SLC8A1: variants seen among roughly 807,000 people sequenced by gnomAD.
SLC8A1 encodes sodium/calcium exchanger 1.
A neutral mutation model predicts 68.3 loss-of-function variants in SLC8A1; 18 were observed. The observed-to-expected ratio is 0.26, with a 90% CI of 0.18 to 0.39. SLC8A1 has a LOEUF of 0.39. Ranked by LOEUF, SLC8A1 falls within the 10% of genes least tolerant of loss-of-function variation. The pLI, the probability that SLC8A1 is intolerant of heterozygous loss-of-function variation, is 1.00. For synonymous variants in SLC8A1, 475 were observed against 415.5 expected, an observed-to-expected ratio of 1.14 and a Z score of -1.74; for missense variants, 985 against 1,156.7, an observed-to-expected ratio of 0.85 and a Z score of 2.15.
intron 1 of SLC8A1, among the ~76,000 whole-genome samples, chr2:40,435,021 AC>A (rs1405825973): frequency 6.6e-6 from 1 of 152,246 alleles, no homozygotes; most frequent in African/African-American, 2.4e-5. Flanking sequence ...GCCAGTTTTG[AC>A]TACCAAGGAG....
chr2:40,281,991 A>G (rs565298765), intron 2 of SLC8A1, among the ~76,000 whole-genome samples: 57 of 152,256 alleles, frequency 3.7e-4, no homozygotes, highest in Middle Eastern at 6.8e-3. Flanking sequence ...CTAGAAAAGT[A>G]TAACAGTGGA....
chr2:40,482,537 G>A (rs896964537), intron 1 of SLC8A1, among the ~76,000 whole-genome samples: 2 of 152,120 alleles, frequency 1.3e-5, no homozygotes, highest in South Asian at 4.2e-4. Context: ...GAGTACCACC[G>A]ATGACAATTC....
At position 40,361,887 on chromosome 2, in the gene SLC8A1, C is replaced by CTTTTTTTTTTTTTTTTTTTTTTTTT. The variant is rs1172909749; in HGVS notation, c.1808+66561_1808+66585dup. Among the ~76,000 whole-genome samples the CTTTTTTTTTTTTTTTTTTTTTTTTT allele has an allele frequency of 3.8e-5, 2 of 53,124 alleles. 1 individual carries two copies. The highest frequency in any genetic ancestry group is 6.6e-5 in the Non-Finnish European group (2 of 30,438). 34.9% of individuals were successfully genotyped at this position (53,124 alleles called of 152,430 possible). ...GTCAGATGTTTATATCTTTTCTTTC[C>CTTTTTTTTTTTTTTTTTTTTTTTTT]TTTTTTTTTTTTTTTTTTTTTTTTT... On this transcript the variant is annotated intron_variant, in intron 2 of 7. Transcript: ENST00000406785.
chr2:40,240,286 G>A (rs184929176), intron 2 of SLC8A1, among the ~76,000 whole-genome samples: 31 of 152,296 alleles, frequency 2.0e-4, no homozygotes, highest in African/African-American at 5.8e-4. Flanking sequence ...CCGACGGAGC[G>A]GAGGACTCCC....
chr2:40,307,142 G>GAT (rs560417833), intron 2 of SLC8A1, among the ~76,000 whole-genome samples: 83 of 108,226 alleles, frequency 7.7e-4, no homozygotes, highest in African/African-American at 2.7e-3. Flanking sequence ...AAGAAAATGT[G>GAT]ATATACACAC....
chr2:40,354,931 G>A (rs1672227342), intron 2 of SLC8A1, among the ~76,000 whole-genome samples: 4 of 152,104 alleles, frequency 2.6e-5, no homozygotes, highest in Non-Finnish European at 5.9e-5. Flanking sequence ...TTAAGATGAG[G>A]CAATTGTGGC....
At chr2:40,509,134 A>G (rs1451693860) in intron 1 of SLC8A1, among the ~76,000 whole-genome samples, 5 of 152,200 alleles carry the variant, frequency 3.3e-5, no homozygotes, top group African/African-American at 1.2e-4. Context: ...TTTTCTTCCA[A>G]TACCTTGTCA....
chr2:40,471,423 G>C (rs1703982994), intron 1 of SLC8A1, among the ~76,000 whole-genome samples: 1 of 151,998 alleles, frequency 6.6e-6, no homozygotes, highest in Non-Finnish European at 1.5e-5. Context: ...ACCATATGAG[G>C]CTGGAATAGA....
intron 7 of SLC8A1, among the ~76,000 whole-genome samples, chr2:40,126,527 G>A (rs911100964): frequency 6.6e-6 from 1 of 152,108 alleles, no homozygotes; most frequent in Non-Finnish European, 1.5e-5. Context: ...AAGTGCTGGA[G>A]TGAGAAGGAA....
At chr2:40,183,976 T>G (rs902135301) in intron 2 of SLC8A1, among the ~76,000 whole-genome samples, 7 of 151,922 alleles carry the variant, frequency 4.6e-5, no homozygotes, top group Non-Finnish European at 1.5e-5. Flanking sequence ...GGCAACAAAG[T>G]GAGACCCTGT....
intron 2 of SLC8A1, chr2:40,209,951 G>A (rs1431239115): frequency 1.3e-5 from 2 of 152,188 alleles, no homozygotes; most frequent in Non-Finnish European, 2.9e-5. Flanking sequence ...ACTTAATATT[G>A]CCTCTGTATC....
intron 4 of SLC8A1, among the ~76,000 whole-genome samples, chr2:40,173,734 A>C (rs2047960621): frequency 6.6e-6 from 1 of 152,214 alleles, no homozygotes; most frequent in Non-Finnish European, 1.5e-5. Context: ...TGATATCTGC[A>C]CAATATATTG....
intron 2 of SLC8A1, among the ~76,000 whole-genome samples, chr2:40,314,765 G>A (rs1447113059): frequency 6.6e-6 from 1 of 151,954 alleles, no homozygotes; most frequent in Non-Finnish European, 1.5e-5. Flanking sequence ...TGATGACATT[G>A]TAAATGGTAC....
chr2:40,265,783 T>A (rs921808945), intron 2 of SLC8A1, among the ~76,000 whole-genome samples: 2 of 152,150 alleles, frequency 1.3e-5, no homozygotes, highest in Non-Finnish European at 2.9e-5. Context: ...CTTCATATAT[T>A]ACTGGAAACA....
At chr2:40,494,640 A>AATATATATATATATATATATAT (rs34595267) in intron 1 of SLC8A1, among the ~76,000 whole-genome samples, 1 of 92,694 alleles carries the variant, frequency 1.1e-5, no homozygotes, top group African/African-American at 5.3e-5. Flanking sequence ...CTTAAAGTAT[A>AATATATATATATATATATATAT]ATATATATAT....
intron 2 of SLC8A1, among the ~76,000 whole-genome samples, chr2:40,376,453 A>G (rs1219103515): frequency 6.6e-6 from 1 of 152,108 alleles, no homozygotes; most frequent in African/African-American, 2.4e-5. Flanking sequence ...TTGTTTACAA[A>G]CAGGCACAAA....
At chr2:40,464,100 G>A (rs1703518172) in intron 1 of SLC8A1, among the ~76,000 whole-genome samples, 1 of 151,998 alleles carries the variant, frequency 6.6e-6, no homozygotes, top group African/African-American at 2.4e-5. Flanking sequence ...TCACCATATT[G>A]ACTAGGCTGG....
intron 2 of SLC8A1, among the ~76,000 whole-genome samples, chr2:40,253,308 A>G (rs1032863292): frequency 1.3e-5 from 2 of 151,436 alleles, no homozygotes; most frequent in African/African-American, 4.9e-5. Flanking sequence ...ACATATATAC[A>G]CATATATACA....
At chr2:40,387,021 TCA>T (rs1264109671) in intron 2 of SLC8A1, among the ~76,000 whole-genome samples, 1 of 151,294 alleles carries the variant, frequency 6.6e-6, no homozygotes, top group Non-Finnish European at 1.5e-5. Context: ...ATCCTAAAAT[TCA>T]CAGAGATCAA....
Sources: gnomAD v4.1 joint callset for allele counts (sites outside exome capture counted in the v4.1 genomes callset) on GRCh38, gnomAD v4.1.1 for gene constraint, MANE v1.5 for transcripts, NCBI Gene and HGNC (gene_info 2026-07-23, HGNC 2026-07-21) for gene names.